Variants in MLIP observed in about 807,000 individuals in gnomAD.
The protein encoded by MLIP is muscular LMNA interacting protein, also known as muscular LMNA-interacting protein.
In MLIP, 79 loss-of-function variants were observed where a neutral mutation model predicts 84.8. That is an observed-to-expected ratio of 0.93 (90% CI 0.78 to 1.12). The LOEUF is 1.12. MLIP is among the 50% of genes most tolerant of loss of function. MLIP has a pLI of 0.00. For synonymous variants in MLIP, 504 were observed against 463.0 expected, an observed-to-expected ratio of 1.09 and a Z score of -1.14; for missense variants, 1,257 against 1,160.6, an observed-to-expected ratio of 1.08 and a Z score of -1.21.
rs1582572264 is a variant in MLIP, at chr6:54,231,020, T to C, written c.2922+103T>C. ...GGAGGAAACATGTGTTAGGAATATTTAAATATTAAATATCTAAATGTATAA... is the reference window on the plus strand; with the variant it reads ...GGAGGAAACATGTGTTAGGAATATTCAAATATTAAATATCTAAATGTATAA... On this transcript the variant is annotated intron_variant, in intron 12 of 13. Transcript: ENST00000502396. The C allele has an allele frequency of 1.9e-5, 15 of 806,216 alleles. No homozygotes were observed. In the East Asian group the frequency reaches 4.1e-4, roughly 22 times the overall value. 49.9% of individuals were successfully genotyped at this position (806,216 alleles called of 1,614,324 possible).
At chr6:54,120,293 G>T (rs1770326857) in intron 1 of MLIP, among the ~76,000 whole-genome samples, 1 of 151,822 alleles carries the variant, frequency 6.6e-6, no homozygotes, top group Non-Finnish European at 1.5e-5. Context: ...GGAGTGCAGT[G>T]GCACGATCTC....
At chr6:54,084,476 T>C (rs1767359124) in intron 1 of MLIP, among the ~76,000 whole-genome samples, 1 of 152,182 alleles carries the variant, frequency 6.6e-6, no homozygotes, top group Admixed American at 6.5e-5. Flanking sequence ...ATTACCTAGA[T>C]GTCAGTGAAA....
intron 11 of MLIP, among the ~76,000 whole-genome samples, chr6:54,228,394 A>G (rs1178959527): frequency 1.3e-5 from 2 of 152,164 alleles, no homozygotes. Flanking sequence ...TTTGTATTGT[A>G]TTAGCAACTG....
At chr6:54,181,507 C>T (rs890488408) in intron 9 of MLIP, among the ~76,000 whole-genome samples, 1 of 152,172 alleles carries the variant, frequency 6.6e-6, no homozygotes, top group Non-Finnish European at 1.5e-5. Flanking sequence ...GTTGCTCTAC[C>T]TCCCTGTGAT....
upstream of MLIP, chr6:54,111,348 A>C: frequency 7.1e-7 from 1 of 1,416,572 alleles, no homozygotes; most frequent in Non-Finnish European, 9.2e-7. Context: ...CAATTCCTCA[A>C]TTTTGGAATG....
intron 9 of MLIP, among the ~76,000 whole-genome samples, chr6:54,182,123 T>A (rs930893067): frequency 6.6e-6 from 1 of 152,170 alleles, no homozygotes; most frequent in Non-Finnish European, 1.5e-5. Flanking sequence ...CTTTCCTCCG[T>A]TTGCCTAGAA....
intron 1 of MLIP, among the ~76,000 whole-genome samples, chr6:54,074,947 G>T (rs986495943): frequency 1.3e-5 from 2 of 151,970 alleles, no homozygotes; most frequent in African/African-American, 2.4e-5. Flanking sequence ...TGCTGCATTT[G>T]CTTGAGAAAA....
At chr6:54,133,682 G>C (rs778352987) in intron 3 of MLIP, among the ~76,000 whole-genome samples, 1 of 152,178 alleles carries the variant, frequency 6.6e-6, no homozygotes, top group South Asian at 2.1e-4. Context: ...TTCTACAATA[G>C]AGATTGGTTG....
At chr6:54,045,834 C>CT (rs1765017574) in intron 1 of MLIP, 1 of 152,298 alleles carries the variant, frequency 6.6e-6, no homozygotes, top group East Asian at 1.9e-4. Context: ...ACCTGTGGAA[C>CT]TGTGAGCCAA....
At chr6:54,110,439 A>G (rs1165529031), upstream of MLIP, among the ~76,000 whole-genome samples, 1 of 152,174 alleles carries the variant, frequency 6.6e-6, no homozygotes, top group Non-Finnish European at 1.5e-5. Flanking sequence ...GAAGGCTCAT[A>G]GTTTTTTTTA....
chr6:54,171,153 T>G (rs1376510008), intron 9 of MLIP, among the ~76,000 whole-genome samples: 2 of 151,716 alleles, frequency 1.3e-5, no homozygotes, highest in African/African-American at 4.8e-5. Flanking sequence ...CTGGAGCGGC[T>G]TCTTCAATCT....
chr6:54,220,161 A>G (rs1256103707), intron 11 of MLIP, among the ~76,000 whole-genome samples: 1 of 152,182 alleles, frequency 6.6e-6, no homozygotes, highest in African/African-American at 2.4e-5. Context: ...AATGATTAAA[A>G]CAATTTAAAA....
chr6:54,236,234 G>A (rs988730001), intron 12 of MLIP, among the ~76,000 whole-genome samples: 3 of 151,310 alleles, frequency 2.0e-5, no homozygotes, highest in Non-Finnish European at 4.4e-5. Context: ...GGAGAAATTC[G>A]AATCCTCTAT....
Position 54,099,474 on chromosome 6 carries a change from G to A in MLIP, c.64-21973G>A, listed in dbSNP as rs530607697. 7.2e-5 allele frequency: 11 copies of A among 151,770 alleles called. No homozygotes were observed. In the South Asian group the frequency reaches 8.3e-4, roughly 11 times the overall value. The allele number at this position is 151,770 out of a possible 1,614,324, so 9.4% of individuals were successfully genotyped here. On this transcript the variant is annotated intron_variant, in intron 1 of 12. Transcript: ENST00000274897. ...CTATTTTCACATAGTTTGAAGGCTC[G>A]CCCATCTCCTACACAGTCACATGTT...
In MLIP at chr6:54,247,526, A is replaced by G. The variant is rs116363998; in HGVS notation, c.2923-9782A>G. Reference sequence around the variant, plus strand: ...TAGGGCAAGAAGCGGAGGTGGAAGGAAAACACTGGGTGTACTGACAGTTTA... The same window carrying G: ...TAGGGCAAGAAGCGGAGGTGGAAGGGAAACACTGGGTGTACTGACAGTTTA... On this transcript the variant is annotated intron_variant, in intron 12 of 13. Transcript: ENST00000502396. Among the ~76,000 whole-genome samples the G allele has an allele frequency of 2.1e-3, 313 of 152,280 alleles. 2 individuals carry two copies. Among genetic ancestry groups the G allele is most frequent in the African/African-American group, 7.2e-3 (300 of 41,554 alleles).
In MLIP at chr6:54,202,234, G is replaced by T; in HGVS notation, c.2718+1G>T. ...TAACAGCGACCTCTTTTCTGAACAG[G>T]TGAGCACATACAAGAGAAAATGTTT... On this transcript the variant is annotated splice_donor_variant, in intron 11 of 13. Coordinates refer to ENST00000502396, the MANE Select transcript of MLIP (RefSeq NM_001281747.2). LOFTEE classifies it high-confidence loss of function. The T allele has an allele frequency of 6.6e-7, 1 of 1,508,488 alleles. No homozygotes were observed. The highest frequency in any genetic ancestry group is 1.4e-5 in the South Asian group (1 of 69,422). 93.4% of individuals were successfully genotyped at this position (1,508,488 alleles called of 1,614,324 possible). A position where few individuals can be genotyped will look rare whatever the true frequency, so the allele number is the denominator to read the frequency against.
intron 11 of MLIP, chr6:54,217,268 G>C: frequency 1.0e-6 from 1 of 985,380 alleles, no homozygotes; most frequent in Non-Finnish European, 1.2e-6. Context: ...GAAAGGAAGT[G>C]ACTTTAAAAT....
intron 1 of MLIP, among the ~76,000 whole-genome samples, chr6:54,052,076 T>G (rs1280427227): frequency 6.6e-6 from 1 of 152,144 alleles, no homozygotes; most frequent in Non-Finnish European, 1.5e-5. Flanking sequence ...TTGGCCTCAC[T>G]CTTAGTCAGG....
At position 54,257,296 on chromosome 6, in the gene MLIP, T is replaced by C. The variant is rs1326306500; in HGVS notation, c.2923-12T>C. 6.2e-7 allele frequency: 1 copy of C among 1,608,820 alleles called. No individual in the cohort carries two copies. The highest frequency in any genetic ancestry group is 2.2e-5 in the East Asian group (1 of 44,792). Reference sequence around the variant, plus strand: ...TACTCCTGATCATATCCTGGGCATCTTTTCTGTGAAGCTGAGTCATCCAAT... The same window carrying C: ...TACTCCTGATCATATCCTGGGCATCCTTTCTGTGAAGCTGAGTCATCCAAT... On this transcript the variant is annotated splice_polypyrimidine_tract_variant and intron_variant, in intron 12 of 13. Coordinates refer to ENST00000502396, the MANE Select transcript of MLIP (RefSeq NM_001281747.2).
Sources: gnomAD v4.1 joint callset for allele counts (sites outside exome capture counted in the v4.1 genomes callset) on GRCh38, gnomAD v4.1.1 for gene constraint, MANE v1.5 for transcripts, NCBI Gene and HGNC (gene_info 2026-07-23, HGNC 2026-07-21) for gene names.